RYR1: variants seen among roughly 807,000 people sequenced by gnomAD.
The protein encoded by RYR1 is central core disease of muscle.
In RYR1, 342 loss-of-function variants were observed where a neutral mutation model predicts 583.5. The ratio of observed to expected loss-of-function variants is 0.59; its 90% CI spans 0.54 to 0.64. The LOEUF (loss-of-function observed/expected upper bound fraction) is 0.64. RYR1 is among the 30% of genes least tolerant of loss of function. The probability of loss-of-function intolerance (pLI) is 0.00; values close to 1 mark genes in which losing one functional copy is unlikely to be tolerated. For synonymous variants in RYR1, 2,791 were observed against 2,822.5 expected, an observed-to-expected ratio of 0.99 and a Z score of 0.35; for missense variants, 6,032 against 6,917.2, an observed-to-expected ratio of 0.87 and a Z score of 4.54.
chr19:38,454,795 A>AG (rs926826069), intron 13 of RYR1, among the ~76,000 whole-genome samples: 3 of 151,314 alleles, frequency 2.0e-5, no homozygotes, highest in African/African-American at 2.4e-5. Context: ...ATGTAAAAAA[A>AG]AAAAGAAAAG....
At chr19:38,502,750 G>GGGGC in intron 48 of RYR1, 23 bp downstream of exon 48, 1 of 1,236,570 alleles carries the variant, frequency 8.1e-7, no homozygotes, top group East Asian at 2.8e-5. Flanking sequence ...AGGCTTCAGG[G>GGGGC]TGGGGCAGGG....
intron 78 of RYR1, among the ~76,000 whole-genome samples, chr19:38,533,915 C>T (rs541685005): frequency 3.6e-4 from 55 of 151,508 alleles, no homozygotes; most frequent in South Asian, 1.0e-3. Context: ...ACCAAAAGAG[C>T]AGAATTTGAA....
intron 29 of RYR1, among the ~76,000 whole-genome samples, chr19:38,476,395 C>T (rs1968730244): frequency 6.6e-6 from 1 of 152,138 alleles, no homozygotes; most frequent in South Asian, 2.1e-4. Context: ...AACGGGGTTT[C>T]ACCATATTGG....
intron 102 of RYR1, among the ~76,000 whole-genome samples, chr19:38,585,363 G>A (rs1974427744): frequency 7.0e-6 from 1 of 142,598 alleles, no homozygotes; most frequent in Non-Finnish European, 1.5e-5. Context: ...CTCAATAAAG[G>A]CCTGAGATAT....
intron 64 of RYR1, among the ~76,000 whole-genome samples, chr19:38,515,327 C>T (rs1356284644): frequency 6.6e-6 from 1 of 152,148 alleles, no homozygotes; most frequent in Non-Finnish European, 1.5e-5. Context: ...GCAGGCAGGC[C>T]TCGCTGGGGA....
In RYR1 at chr19:38,575,927, C is replaced by G. The variant is rs773089176; in HGVS notation, c.14138C>G (p.Pro4713Arg). 6.2e-7 allele frequency: 1 copy of G among 1,614,186 alleles called. No individual in the cohort carries two copies. Among genetic ancestry groups the G allele is most frequent in the African/African-American group, 1.3e-5 (1 of 75,046 alleles). The change falls in exon 97 of 106, where the codon CCT becomes CGT. Residue 4713 changes from proline to arginine, a missense_variant. Pro to Arg is a moderately radical substitution (Grantham distance 103). Coordinates refer to ENST00000359596, the MANE Select transcript of RYR1 (RefSeq NM_000540.3). ...TCTCTCTCTCTCTGCAGGTCTTTCC[C>G]TAGCAACTACTGGGACAAGTTTGTC... ...DRLVLNTPSF[P>R]SNYWDKFVKR...
Position 38,500,716 on chromosome 19 carries a change from C to T in RYR1, c.7434C>T (p.Thr2478=). The part of the protein sequence containing the change: ...GIISLPLQIP[T]LGKDGALVQP... The stretch of plus-strand genomic sequence containing the variant: ...TCAGCCTCCCACTGCAGATTCCCAC[C>T]CTGGGCAAAGGTGCAGAGGGGATGG... The change falls in exon 46 of 106, where the codon ACC becomes ACT. Residue 2478 remains threonine (T), a synonymous_variant. Coordinates refer to ENST00000359596, the MANE Select transcript of RYR1 (RefSeq NM_000540.3). This position sits in a 1 kb window ranked among gnomAD's most constrained non-coding sequence, Gnocchi z 5.9. 6.2e-7 allele frequency: 1 copy of T among 1,614,136 alleles called. No homozygotes were observed. The highest frequency in any genetic ancestry group is 8.5e-7 in the Non-Finnish European group (1 of 1,180,034).
intron 83 of RYR1, among the ~76,000 whole-genome samples, chr19:38,537,572 G>A (rs1214232304): frequency 6.6e-6 from 1 of 152,200 alleles, no homozygotes; most frequent in Non-Finnish European, 1.5e-5. Flanking sequence ...TAGGTCAGCA[G>A]ACTCTCCCGA....
intron 9 of RYR1, among the ~76,000 whole-genome samples, chr19:38,447,080 C>T (rs1020079257): frequency 7.2e-5 from 11 of 151,988 alleles, no homozygotes; most frequent in East Asian, 5.8e-4. Flanking sequence ...AAGAATTAGC[C>T]GGGTGTGGTG....
At chr19:38,550,345 G>A (rs1182829292) in intron 89 of RYR1, among the ~76,000 whole-genome samples, 1 of 152,066 alleles carries the variant, frequency 6.6e-6, no homozygotes, top group Non-Finnish European at 1.5e-5. Flanking sequence ...TTTGAAGAAC[G>A]CAGGCAAACT....
At chr19:38,531,073 A>G (rs1238049096) in intron 76 of RYR1, among the ~76,000 whole-genome samples, 1 of 143,062 alleles carries the variant, frequency 7.0e-6, no homozygotes, top group Non-Finnish European at 1.5e-5. Flanking sequence ...ACCTCAGGTG[A>G]TCTGCCCACC....
At chr19:38,461,632 G>A (rs1467748763) in intron 20 of RYR1, among the ~76,000 whole-genome samples, 1 of 151,590 alleles carries the variant, frequency 6.6e-6, no homozygotes, top group African/African-American at 2.4e-5. Context: ...AGGCTGAGAT[G>A]GGAGGGTCAC....
At position 38,483,584 on chromosome 19, in the gene RYR1, C is replaced by T; in HGVS notation, c.4934+68C>T. ...AGCCCTCTGGGGTCTGGGTCCCACT[C>T]AGTGCCCCTCCTCAACACAACCCCG... On this transcript the variant is annotated intron_variant, in intron 33 of 105. Coordinates refer to ENST00000359596, the MANE Select transcript of RYR1 (RefSeq NM_000540.3). The surrounding 1 kb of genome is among the most constrained non-coding windows in gnomAD (Gnocchi z 6.3). 7.3e-7 allele frequency: 1 copy of T among 1,365,598 alleles called. No homozygotes were observed. The highest frequency in any genetic ancestry group is 1.0e-6 in the Non-Finnish European group (1 of 993,856). 84.6% of individuals were successfully genotyped at this position (1,365,598 alleles called of 1,614,324 possible).
chr19:38,436,906 G>C (rs1972452171), intron 1 of RYR1, among the ~76,000 whole-genome samples: 2 of 152,040 alleles, frequency 1.3e-5, no homozygotes, highest in Admixed American at 1.3e-4. Flanking sequence ...CTCAAACCCT[G>C]GCCCAAGTTA....
intron 7 of RYR1, among the ~76,000 whole-genome samples, chr19:38,445,862 C>A (rs377544523): frequency 1.4e-5 from 2 of 145,556 alleles, no homozygotes; most frequent in Non-Finnish European, 3.0e-5. Context: ...TGATGGCGGG[C>A]GGCTGTAGCC....
At chr19:38,479,617 T>C (rs537759750) in intron 31 of RYR1, among the ~76,000 whole-genome samples, 3 of 152,174 alleles carry the variant, frequency 2.0e-5, no homozygotes, top group South Asian at 4.1e-4. Flanking sequence ...TTCCTCATAT[T>C]GTCCAGGCTG....
At chr19:38,536,166 C>A in intron 82 of RYR1, 96 bp downstream of exon 82, 1 of 1,127,018 alleles carries the variant, frequency 8.9e-7, no homozygotes, top group Non-Finnish European at 1.3e-6. Context: ...AGCTCCCTTC[C>A]TCCAAGACAC....
chr19:38,523,313 G>A lies in RYR1; in HGVS notation c.10440+4G>A, dbSNP rs373523691. On this transcript the variant is annotated splice_donor_region_variant and intron_variant, in intron 69 of 105. Coordinates refer to ENST00000359596, the MANE Select transcript of RYR1 (RefSeq NM_000540.3). ...CAACAAAAGCAAAATGGCTAAGGTC[G>A]GGGCTTGGTTCTGGGAGGAGCACTT... is the stretch of plus-strand genomic sequence containing the variant. 154 of 1,614,034 alleles carry A rather than the reference G, an allele frequency of 9.5e-5. No individual in the cohort carries two copies. The highest frequency in any genetic ancestry group is 1.3e-4 in the Admixed American group (8 of 59,990).
At chr19:38,502,775 AGGGG>A (rs761200664) in intron 48 of RYR1, 48 bp downstream of exon 48, 77 of 558,716 alleles carry the variant, frequency 1.4e-4, no homozygotes, top group East Asian at 1.2e-4. Context: ...GGGCAGGGGC[AGGGG>A]CAGGGGCAGG....
Sources: gnomAD v4.1 joint callset for allele counts (sites outside exome capture counted in the v4.1 genomes callset) on GRCh38, gnomAD v4.1.1 for gene constraint, Gnocchi (gnomAD v3.1) non-coding constraint, MANE v1.5 for transcripts, NCBI Gene and HGNC (gene_info 2026-07-23, HGNC 2026-07-21) for gene names.